The following FHIP1A variants were observed in gnomAD, a reference collection of about 807,000 sequenced individuals.
FHIP1A encodes the protein FHF complex subunit HOOK interacting protein 1A.
FHIP1A carries 61 observed loss-of-function variants against 88.6 expected under a neutral mutation model. That is an observed-to-expected ratio of 0.69 (90% CI 0.56 to 0.85). The LOEUF (loss-of-function observed/expected upper bound fraction) is 0.85, where lower values mean the gene tolerates loss of function less well. Ranked by LOEUF, FHIP1A falls within the 40% of genes least tolerant of loss-of-function variation. FHIP1A has a pLI of 0.00. For synonymous variants in FHIP1A, 478 were observed against 496.0 expected, an observed-to-expected ratio of 0.96 and a Z score of 0.48; for missense variants, 1,154 against 1,273.5, an observed-to-expected ratio of 0.91 and a Z score of 1.43.
chr4:151,413,769 T>TA (rs770579990), intron 1 of FHIP1A, among the ~76,000 whole-genome samples: 36 of 146,888 alleles, frequency 2.5e-4, no homozygotes, highest in Middle Eastern at 3.4e-3. Context: ...ATGTATTACT[T>TA]AAAAAAAAAA....
At chr4:151,589,836 C>T (rs2126810208) in intron 7 of FHIP1A, among the ~76,000 whole-genome samples, 1 of 152,286 alleles carries the variant, frequency 6.6e-6, no homozygotes, top group East Asian at 1.9e-4. Context: ...TTTAGTGCCT[C>T]TCCAGCATAG....
intron 1 of FHIP1A, among the ~76,000 whole-genome samples, chr4:151,450,236 G>A (rs1728744685): frequency 6.6e-6 from 1 of 151,978 alleles, no homozygotes; most frequent in African/African-American, 2.4e-5. Context: ...AAGTAAAACT[G>A]AAATGTCTAG....
chr4:151,631,533 G>A (rs1387622279), intron 8 of FHIP1A, among the ~76,000 whole-genome samples: 1 of 152,150 alleles, frequency 6.6e-6, no homozygotes, highest in Non-Finnish European at 1.5e-5. Flanking sequence ...TTAGGCACTA[G>A]TTAAAAAGTG....
chr4:151,429,247 C>A (rs1286250933), intron 1 of FHIP1A, among the ~76,000 whole-genome samples: 1 of 152,216 alleles, frequency 6.6e-6, no homozygotes, highest in East Asian at 1.9e-4. Context: ...TTTTTGTTCA[C>A]CATTGTTTCC....
intron 3 of FHIP1A, among the ~76,000 whole-genome samples, chr4:151,513,686 A>G (rs1421477322): frequency 6.6e-6 from 1 of 152,184 alleles, no homozygotes; most frequent in African/African-American, 2.4e-5. Context: ...TAAACCAACA[A>G]AGGGCAAAAG....
At chr4:151,462,510 A>T (rs1729175414) in intron 2 of FHIP1A, among the ~76,000 whole-genome samples, 1 of 152,218 alleles carries the variant, frequency 6.6e-6, no homozygotes, top group South Asian at 2.1e-4. Context: ...CAAAAGAAGG[A>T]TTCATAGTAT....
chr4:151,493,210 C>G (rs1382240314), intron 3 of FHIP1A, among the ~76,000 whole-genome samples: 1 of 152,094 alleles, frequency 6.6e-6, no homozygotes, highest in African/African-American at 2.4e-5. Context: ...TTTATGGCTA[C>G]AGACTAGAAA....
intron 7 of FHIP1A, among the ~76,000 whole-genome samples, chr4:151,602,738 C>G (rs1171739532): frequency 1.3e-5 from 2 of 152,074 alleles, no homozygotes; most frequent in African/African-American, 4.8e-5. Context: ...GGCTCAGGAA[C>G]CATCTGGTGG....
chr4:151,502,152 C>T, intron 3 of FHIP1A, among the ~76,000 whole-genome samples: 1 of 46,124 alleles, frequency 2.2e-5, no homozygotes, highest in African/African-American at 8.3e-5. Context: ...TCTGTCTCTA[C>T]AAAAGAAAAA....
intron 7 of FHIP1A, among the ~76,000 whole-genome samples, chr4:151,606,590 T>C (rs1422377460): frequency 2.6e-5 from 4 of 152,246 alleles, no homozygotes; most frequent in African/African-American, 4.8e-5. Flanking sequence ...TTTTTTGATA[T>C]CTGCATTTCA....
At chr4:151,615,262 G>GCCTTGATGTCTTCTTC (rs1735479139) in intron 7 of FHIP1A, among the ~76,000 whole-genome samples, 1 of 152,166 alleles carries the variant, frequency 6.6e-6, no homozygotes, top group South Asian at 2.1e-4. Context: ...TAGAATTCTT[G>GCCTTGATGTCTTCTTC]TAAAAACCAT....
At chr4:151,513,822 A>C (rs1027351351) in intron 3 of FHIP1A, among the ~76,000 whole-genome samples, 2 of 150,958 alleles carry the variant, frequency 1.3e-5, no homozygotes, top group Non-Finnish European at 3.0e-5. Flanking sequence ...AGTGACCTAC[A>C]AAGAGACTTA....
intron 9 of FHIP1A, among the ~76,000 whole-genome samples, chr4:151,641,527 G>A (rs1461374825): frequency 1.3e-5 from 2 of 152,232 alleles, no homozygotes; most frequent in African/African-American, 2.4e-5. Context: ...AAAACATTAT[G>A]AGATTTTTTT....
chr4:151,608,146 G>T, intron 7 of FHIP1A, among the ~76,000 whole-genome samples: 1 of 136,610 alleles, frequency 7.3e-6, no homozygotes, highest in African/African-American at 2.7e-5. Context: ...CCAGATTCAA[G>T]CGATTCTCCT....
chr4:151,553,657 TA>T (rs1320581726), intron 3 of FHIP1A, among the ~76,000 whole-genome samples: 1 of 152,220 alleles, frequency 6.6e-6, no homozygotes, highest in Non-Finnish European at 1.5e-5. Context: ...GCGAAGTTTC[TA>T]GACTGTTTGA....
Position 151,668,078 on chromosome 4 carries a change from C to T in FHIP1A, c.*5324C>T, listed in dbSNP as rs1737728509. Among the ~76,000 whole-genome samples the T allele has an allele frequency of 6.6e-6, 1 of 152,216 alleles. No individual in the cohort carries two copies. Among genetic ancestry groups the T allele is most frequent in the Non-Finnish European group, 1.5e-5 (1 of 68,030 alleles). On this transcript the variant is annotated 3_prime_UTR_variant, in exon 14 of 14. Transcript: ENST00000435205. ...GGTGTTGACAATCTTACTTACACGA[C>T]TCTTGCTAAGCTATTTGACTAAGGG...
chr4:151,605,658 C>T (rs1385491094), intron 7 of FHIP1A, among the ~76,000 whole-genome samples: 2 of 152,190 alleles, frequency 1.3e-5, no homozygotes, highest in Non-Finnish European at 2.9e-5. Flanking sequence ...GTGCTGGGTT[C>T]ATATAAGCCG....
chr4:151,462,049 C>G (rs771048333), intron 2 of FHIP1A, among the ~76,000 whole-genome samples: 1 of 152,142 alleles, frequency 6.6e-6, no homozygotes, highest in Non-Finnish European at 1.5e-5. Flanking sequence ...ATAGTCCCAG[C>G]TACTTGGGAG....
intron 8 of FHIP1A, among the ~76,000 whole-genome samples, chr4:151,638,125 C>T (rs1043312849): frequency 6.6e-6 from 1 of 152,086 alleles, no homozygotes; most frequent in African/African-American, 2.4e-5. Context: ...AACATTATCT[C>T]ACCCTCAGCA....
Sources: allele counts gnomAD v4.1 joint callset (sites outside exome capture counted in the v4.1 genomes callset), GRCh38; gene constraint gnomAD v4.1.1; transcripts MANE v1.5; gene names NCBI Gene and HGNC (gene_info 2026-07-23, HGNC 2026-07-21).